Variants in UCHL3 observed in about 807,000 individuals in gnomAD.
UCHL3 encodes the protein ubiquitin carboxyl-terminal hydrolase isozyme L3.
Under a neutral mutation model 35.8 loss-of-function variants are expected in UCHL3, and 22 were observed. That is an observed-to-expected ratio of 0.61 (90% CI 0.44 to 0.88). UCHL3 has a LOEUF of 0.88. Ranked by LOEUF, UCHL3 falls within the 40% of genes least tolerant of loss-of-function variation. The pLI is 0.00. For synonymous variants in UCHL3, 90 were observed against 92.8 expected (o/e 0.97, Z 0.17); for missense variants, 229 against 276.9 (o/e 0.83, Z 1.23).
chr13:75,549,875 C>T lies in UCHL3; in HGVS notation c.42+13C>T, dbSNP rs372121001. On this transcript the variant is annotated intron_variant, in intron 1 of 8. Transcript: ENST00000377595. Reference sequence around the variant, plus strand: ...GGCCAATCCCGAGGTGGGCGCGCTTCGGGGCAGCCCTGGGCCGTGGGCAGG... The same window carrying T: ...GGCCAATCCCGAGGTGGGCGCGCTTTGGGGCAGCCCTGGGCCGTGGGCAGG... 1.1e-5 allele frequency: 18 copies of T among 1,610,896 alleles called. No individual in the cohort carries two copies. The highest frequency in any genetic ancestry group is 1.1e-4 in the African/African-American group (8 of 74,820).
At chr13:75,599,858 T>G (rs1005855297) in intron 7 of UCHL3, among the ~76,000 whole-genome samples, 1 of 152,200 alleles carries the variant, frequency 6.6e-6, no homozygotes, top group African/African-American at 2.4e-5. Flanking sequence ...TTAAGCTTAG[T>G]GAGGAAGGCA....
chr13:75,589,720 A>G (rs2032424314), intron 6 of UCHL3, among the ~76,000 whole-genome samples: 1 of 152,198 alleles, frequency 6.6e-6, no homozygotes, highest in Non-Finnish European at 1.5e-5. Flanking sequence ...ATCAATGTAC[A>G]CATATAGAAC....
At chr13:75,568,128 C>G (rs1226167814) in intron 5 of UCHL3, among the ~76,000 whole-genome samples, 1 of 151,940 alleles carries the variant, frequency 6.6e-6, no homozygotes, top group Non-Finnish European at 1.5e-5. Flanking sequence ...TATAACTGTT[C>G]TGAAATGGTT....
At chr13:75,569,376 G>A (rs941107581) in intron 5 of UCHL3, 84 bp from the exon 6 acceptor site, 4 of 996,550 alleles carry the variant, frequency 4.0e-6, no homozygotes, top group South Asian at 3.2e-5. Context: ...AAGACTTTAG[G>A]TGTTAAAATT....
chr13:75,564,520 A>C (rs1224082818), intron 3 of UCHL3, among the ~76,000 whole-genome samples: 2 of 152,056 alleles, frequency 1.3e-5, no homozygotes, highest in Non-Finnish European at 2.9e-5. Context: ...TTGGATATGA[A>C]TTGCTGGGTC....
chr13:75,581,397 G>A (rs978229454), intron 6 of UCHL3, among the ~76,000 whole-genome samples: 12 of 150,514 alleles, frequency 8.0e-5, no homozygotes, highest in African/African-American at 2.2e-4. Flanking sequence ...TTGCTCAGGC[G>A]GCAGTGCAGT....
chr13:75,600,660 A>G (rs1319456333), intron 7 of UCHL3, among the ~76,000 whole-genome samples: 2 of 152,218 alleles, frequency 1.3e-5, no homozygotes, highest in East Asian at 1.9e-4. Flanking sequence ...CTGCTAATTG[A>G]CAATGCACCT....
intron 2 of UCHL3, 132 bp downstream of exon 2, chr13:75,550,119 T>G: frequency 1.4e-6 from 2 of 1,420,600 alleles, no homozygotes; most frequent in Non-Finnish European, 2.0e-6. Flanking sequence ...CTTGTTCGGC[T>G]TTACGCGGGT....
intron 4 of UCHL3, 23 bp downstream of exon 4, chr13:75,566,874 A>G: frequency 2.5e-6 from 4 of 1,575,146 alleles, no homozygotes; most frequent in Non-Finnish European, 2.6e-6. Flanking sequence ...TCATTACTGC[A>G]TTTTTTCCCC....
intron 3 of UCHL3, 101 bp downstream of exon 3, chr13:75,560,982 G>A: frequency 9.0e-7 from 1 of 1,109,678 alleles, no homozygotes; most frequent in Non-Finnish European, 1.2e-6. Flanking sequence ...CTAGGCTGGA[G>A]TGCAGAGGTG....
intron 6 of UCHL3, among the ~76,000 whole-genome samples, chr13:75,579,736 A>T (rs1316686921): frequency 1.3e-5 from 2 of 152,164 alleles, no homozygotes; most frequent in African/African-American, 4.8e-5. Context: ...TTTCAGCAAT[A>T]AAAATAGAAC....
At chr13:75,573,614 G>C (rs1007266652) in intron 6 of UCHL3, among the ~76,000 whole-genome samples, 1 of 152,196 alleles carries the variant, frequency 6.6e-6, no homozygotes, top group African/African-American at 2.4e-5. Flanking sequence ...TATGGAGGGG[G>C]TGTGGAGAGA....
intron 8 of UCHL3, 120 bp downstream of exon 8, chr13:75,604,947 T>A: frequency 1.2e-6 from 1 of 812,052 alleles, no homozygotes. Context: ...TTGTTCTCTC[T>A]AGAAAATCCA....
At position 75,577,377 on chromosome 13, in the gene UCHL3, A is replaced by G. The variant is rs564223050; in HGVS notation, c.474+7870A>G. ...ACAATTTTTATAACATTTACATTGT[A>G]TTAGGTATTACAAGTAATCTAGAGA... On this transcript the variant is annotated intron_variant, in intron 6 of 8. Coordinates refer to ENST00000377595, the MANE Select transcript of UCHL3 (RefSeq NM_006002.5). Among the ~76,000 whole-genome samples the G allele has an allele frequency of 1.2e-4, 19 of 152,286 alleles. No individual in the cohort carries two copies. The South Asian group carries it at 3.7e-3, about 30-fold the overall frequency.
intron 2 of UCHL3, among the ~76,000 whole-genome samples, chr13:75,558,787 T>G (rs1031205450): frequency 6.6e-6 from 1 of 152,174 alleles, no homozygotes; most frequent in Non-Finnish European, 1.5e-5. Context: ...CCATGTACAG[T>G]GCTAGGCAAT....
chr13:75,569,938 A>T (rs2031799194), intron 6 of UCHL3, among the ~76,000 whole-genome samples: 1 of 152,230 alleles, frequency 6.6e-6, no homozygotes, highest in Non-Finnish European at 1.5e-5. Context: ...GTTTCAGGGT[A>T]ATGTAATGAT....
intron 2 of UCHL3, among the ~76,000 whole-genome samples, chr13:75,558,470 C>A (rs2031367467): frequency 6.6e-6 from 1 of 152,104 alleles, no homozygotes; most frequent in Admixed American, 6.6e-5. Flanking sequence ...GTTGTATGTA[C>A]CATCGTGTTT....
At chr13:75,595,463 G>C (rs1358792288) in intron 7 of UCHL3, among the ~76,000 whole-genome samples, 1 of 151,854 alleles carries the variant, frequency 6.6e-6, no homozygotes, top group African/African-American at 2.4e-5. Flanking sequence ...CCGGCGTGGT[G>C]GCACATGCCT....
rs541727077 is a variant in UCHL3, at chr13:75,600,390, C to T, written c.551-4379C>T. 2.6e-5 allele frequency among the ~76,000 whole-genome samples: 4 copies of T among 152,282 alleles called. No individual in the cohort carries two copies. The East Asian group carries it at 7.7e-4, about 29-fold the overall frequency. ...TCTGTAGCTAGAGAGGAGATGTCAACACCTGCCTTCAAAGCTTCAAAGGAC... is the reference window on the plus strand; with the variant it reads ...TCTGTAGCTAGAGAGGAGATGTCAATACCTGCCTTCAAAGCTTCAAAGGAC... On this transcript the variant is annotated intron_variant, in intron 7 of 8. Transcript: ENST00000377595.
Sources: allele counts gnomAD v4.1 joint callset (sites outside exome capture counted in the v4.1 genomes callset), GRCh38; gene constraint gnomAD v4.1.1; transcripts MANE v1.5; gene names NCBI Gene and HGNC (gene_info 2026-07-23, HGNC 2026-07-21).